Variants in STK26 observed in about 807,000 individuals in gnomAD.
STK26 encodes the protein serine/threonine kinase 26.
A neutral mutation model predicts 34.7 loss-of-function variants in STK26; 14 were observed. The ratio of observed to expected loss-of-function variants is 0.40; its 90% CI spans 0.27 to 0.63. The LOEUF (loss-of-function observed/expected upper bound fraction) is 0.63. STK26 is among the 30% of genes least tolerant of loss of function. The pLI, the probability that STK26 is intolerant of heterozygous loss-of-function variation, is 0.38. For missense variants in STK26, 226 were observed against 309.1 expected, an observed-to-expected ratio of 0.73 and a Z score of 2.02; for synonymous variants, 100 against 109.8, an observed-to-expected ratio of 0.91 and a Z score of 0.56.
chrX:132,062,711 T>G (rs1007777039), intron 3 of STK26, among the ~76,000 whole-genome samples: 1 of 112,360 alleles, frequency 8.9e-6, no homozygotes, highest in Non-Finnish European at 1.9e-5. Context: ...TCCTCATTCT[T>G]TAATGTAACT....
intron 3 of STK26, among the ~76,000 whole-genome samples, chrX:132,060,597 T>TTTTTTTTGTTTTG (rs1927016882): frequency 9.1e-6 from 1 of 110,248 alleles, no homozygotes. Flanking sequence ...TTGGGTGGTT[T>TTTTTTTTGTTTTG]TTTTTTTGTT....
intron 2 of STK26, among the ~76,000 whole-genome samples, chrX:132,035,125 G>C (rs772564734): frequency 9.0e-6 from 1 of 111,297 alleles, no homozygotes. Context: ...GAGGCAATCA[G>C]TAACACGTTT....
chrX:132,069,773 G>T, intron 7 of STK26, 110 bp downstream of exon 7: 1 of 448,441 alleles, frequency 2.2e-6, no homozygotes. Context: ...AATTGTCTAA[G>T]ATCCATCCAG....
intron 2 of STK26, among the ~76,000 whole-genome samples, chrX:132,030,014 G>C (rs902498037): frequency 2.7e-5 from 3 of 111,724 alleles, no homozygotes; most frequent in African/African-American, 9.8e-5. Context: ...CTGTACAGTG[G>C]ACTTTTCTAA....
Position 132,073,689 on chromosome X carries a change from C to T in STK26, c.1227-446C>T, listed in dbSNP as rs772343292. On this transcript the variant is annotated intron_variant, in intron 11 of 11. Coordinates refer to ENST00000394334, the MANE Select transcript of STK26 (RefSeq NM_016542.4). ...TTTTGTATGCATGCACACATATACA[C>T]TCCTTAGCTCAAGCAAGCTATAAGG... Among the ~76,000 whole-genome samples, 12 of 112,225 alleles carry T rather than the reference C, an allele frequency of 1.1e-4. No homozygotes were observed. In the East Asian group the frequency reaches 3.1e-3, roughly 29 times the overall value.
At chrX:132,043,481 CAAATGAA>C (rs1157881502) in intron 2 of STK26, among the ~76,000 whole-genome samples, 1 of 111,134 alleles carries the variant, frequency 9.0e-6, no homozygotes, top group South Asian at 3.7e-4. Flanking sequence ...TCCCCCTTTC[CAAATGAA>C]TATTTTATAG....
chrX:132,058,254 ATGTGTG>A (rs754196913), intron 3 of STK26, among the ~76,000 whole-genome samples: 2 of 103,041 alleles, frequency 1.9e-5, no homozygotes, highest in African/African-American at 3.6e-5. Flanking sequence ...GTGTGTGTGT[ATGTGTG>A]TGTGTGTGTG....
chrX:132,038,928 A>G (rs1315633477), intron 2 of STK26, among the ~76,000 whole-genome samples: 1 of 111,846 alleles, frequency 8.9e-6, no homozygotes, highest in Non-Finnish European at 1.9e-5. Context: ...TTTTCTAGGA[A>G]TATTTACAGA....
At chrX:132,034,953 G>A (rs747785690) in intron 2 of STK26, among the ~76,000 whole-genome samples, 12 of 111,029 alleles carry the variant, frequency 1.1e-4, no homozygotes, top group African/African-American at 3.9e-4. Context: ...AGCACTTTGA[G>A]CACCACTCAA....
At chrX:132,031,649 T>G (rs1925843765) in intron 2 of STK26, among the ~76,000 whole-genome samples, 1 of 112,384 alleles carries the variant, frequency 8.9e-6, no homozygotes, top group South Asian at 3.7e-4. Context: ...TACAGCTGAA[T>G]AGTACTGTCT....
intron 2 of STK26, among the ~76,000 whole-genome samples, chrX:132,035,649 C>T (rs972099486): frequency 9.1e-6 from 1 of 109,346 alleles, no homozygotes; most frequent in Non-Finnish European, 1.9e-5. Context: ...TTATTAAGAA[C>T]ATGAAATCTG....
chrX:132,045,012 C>G (rs1046776136), intron 2 of STK26, among the ~76,000 whole-genome samples: 1 of 106,708 alleles, frequency 9.4e-6, no homozygotes. Context: ...ACTTTAGGTC[C>G]TGTATGAGCT....
chrX:132,047,605 T>A (rs983877336), intron 2 of STK26, among the ~76,000 whole-genome samples: 4 of 111,009 alleles, frequency 3.6e-5, no homozygotes, highest in African/African-American at 1.3e-4. Flanking sequence ...CTTTATCTCC[T>A]ACACTCTAGA....
intron 3 of STK26, chrX:132,055,446 CT>C (rs1278659541): frequency 8.7e-7 from 1 of 1,151,256 alleles, no homozygotes; most frequent in East Asian, 3.3e-5. Context: ...TGGATTTTTA[CT>C]GGTTCCAGGA....
At chrX:132,025,145 G>A (rs1355799258) in intron 2 of STK26, among the ~76,000 whole-genome samples, 3 of 110,966 alleles carry the variant, frequency 2.7e-5, no homozygotes, top group African/African-American at 9.9e-5. Context: ...ACAATACTAA[G>A]TACAGTTTTG....
chrX:132,047,889 C>T (rs894900117), intron 2 of STK26, among the ~76,000 whole-genome samples: 1 of 111,546 alleles, frequency 9.0e-6, no homozygotes, highest in East Asian at 2.8e-4. Context: ...TTTTTATATT[C>T]CACATGTGAG....
chrX:132,062,439 G>A (rs909840653), intron 3 of STK26, among the ~76,000 whole-genome samples: 1 of 112,181 alleles, frequency 8.9e-6, no homozygotes, highest in African/African-American at 3.2e-5. Context: ...ATTTCCTCTT[G>A]TTCAGCTCAC....
At chrX:132,031,021 C>T (rs899845383) in intron 2 of STK26, among the ~76,000 whole-genome samples, 1 of 111,058 alleles carries the variant, frequency 9.0e-6, no homozygotes, top group Non-Finnish European at 1.9e-5. Context: ...ACTGCAGCCT[C>T]AACCTCCCAG....
chrX:132,064,427 T>G (rs1438643748), intron 4 of STK26, among the ~76,000 whole-genome samples: 1 of 112,320 alleles, frequency 8.9e-6, no homozygotes, highest in Admixed American at 9.4e-5. Flanking sequence ...TGAAGATGCA[T>G]TTACACACAG....
Sources: gnomAD v4.1 joint callset for allele counts (sites outside exome capture counted in the v4.1 genomes callset) on GRCh38, gnomAD v4.1.1 for gene constraint, MANE v1.5 for transcripts, NCBI Gene and HGNC (gene_info 2026-07-23, HGNC 2026-07-21) for gene names.